The following CNIH3 variants were observed in gnomAD, a reference collection of about 807,000 sequenced individuals.
CNIH3 encodes cornichon family AMPA receptor auxiliary protein 3.
A neutral mutation model predicts 24.1 loss-of-function variants in CNIH3; 14 were observed. That is an observed-to-expected ratio of 0.58 (90% CI 0.38 to 0.91). CNIH3 has a LOEUF of 0.91. CNIH3 is among the 40% of genes least tolerant of loss of function. The pLI is 0.00. For missense variants in CNIH3, 178 were observed against 196.8 expected (o/e 0.90, Z 0.57); for synonymous variants, 68 against 73.8 (o/e 0.92, Z 0.40).
At chr1:224,457,279 G>C (rs1009559500) in intron 1 of CNIH3, among the ~76,000 whole-genome samples, 60 of 32,152 alleles carry the variant, frequency 1.9e-3, no homozygotes, top group African/African-American at 8.9e-3. Flanking sequence ...CTCTCTCTGT[G>C]TGTGTGTGTG....
intron 1 of CNIH3, among the ~76,000 whole-genome samples, chr1:224,670,529 A>G (rs1204376880): frequency 1.3e-5 from 2 of 152,150 alleles, no homozygotes; most frequent in African/African-American, 2.4e-5. Context: ...AGACAATGAT[A>G]AGCTACCCTG....
At chr1:224,655,796 C>G (rs1316777646) in intron 1 of CNIH3, among the ~76,000 whole-genome samples, 2 of 152,178 alleles carry the variant, frequency 1.3e-5, no homozygotes, top group Non-Finnish European at 2.9e-5. Flanking sequence ...ACACATCTCT[C>G]TCAACGGACT....
At chr1:224,681,118 C>T (rs1436019315) in intron 2 of CNIH3, 92 bp downstream of exon 2, 21 of 1,073,416 alleles carry the variant, frequency 2.0e-5, no homozygotes, top group East Asian at 1.9e-4. Context: ...GATTTGAATG[C>T]GTAAAGAACA....
intron 1 of CNIH3, among the ~76,000 whole-genome samples, chr1:224,628,282 C>T (rs1683641697): frequency 2.0e-5 from 3 of 152,154 alleles, no homozygotes; most frequent in Non-Finnish European, 4.4e-5. Context: ...TTGTAAAATA[C>T]GTATATGACA....
chr1:224,699,448 C>T (rs2125170784), intron 3 of CNIH3, among the ~76,000 whole-genome samples: 1 of 152,356 alleles, frequency 6.6e-6, no homozygotes, highest in Middle Eastern at 3.4e-3. Context: ...AGGCATTCTT[C>T]TTCTCACAGG....
At chr1:224,700,961 A>G (rs1203420084) in intron 3 of CNIH3, among the ~76,000 whole-genome samples, 1 of 152,148 alleles carries the variant, frequency 6.6e-6, no homozygotes, top group Non-Finnish European at 1.5e-5. Flanking sequence ...TATTGTAATT[A>G]TTTTTGTTTA....
chr1:224,436,084 G>GA (rs1674651028), intron 1 of CNIH3, among the ~76,000 whole-genome samples: 1 of 152,204 alleles, frequency 6.6e-6, no homozygotes, highest in African/African-American at 2.4e-5. Flanking sequence ...CCTCAGACAG[G>GA]AAGAAGTAAG....
chr1:224,560,736 T>C (rs116162092), intron 3 of CNIH3, among the ~76,000 whole-genome samples: 1,690 of 152,190 alleles, frequency 0.011, 32 homozygotes, highest in African/African-American at 0.037. Context: ...CCACGGATTC[T>C]ACATTATGGT....
intron 3 of CNIH3, among the ~76,000 whole-genome samples, chr1:224,695,917 C>T (rs1411791515): frequency 6.6e-6 from 1 of 152,160 alleles, no homozygotes; most frequent in Non-Finnish European, 1.5e-5. Flanking sequence ...CTGACAGAAA[C>T]AATTTGGGTT....
downstream of CNIH3, among the ~76,000 whole-genome samples, chr1:224,540,793 C>T (rs1324790629): frequency 6.6e-6 from 1 of 152,156 alleles, no homozygotes; most frequent in Non-Finnish European, 1.5e-5. Flanking sequence ...TGTTGGAATT[C>T]TCCATTATTG....
chr1:224,578,049 C>CTT (rs1306930379), intron 4 of CNIH3, among the ~76,000 whole-genome samples: 1 of 152,050 alleles, frequency 6.6e-6, no homozygotes, highest in Non-Finnish European at 1.5e-5. Flanking sequence ...GGATAAAAAA[C>CTT]TGCATATTGG....
intron 1 of CNIH3, among the ~76,000 whole-genome samples, chr1:224,669,402 C>T (rs938236102): frequency 2.6e-5 from 4 of 152,226 alleles, no homozygotes; most frequent in Non-Finnish European, 4.4e-5. Context: ...CTCCTCAGCT[C>T]ACCTGCTGGT....
intron 2 of CNIH3, among the ~76,000 whole-genome samples, chr1:224,521,889 G>T (rs780474468): frequency 3.3e-5 from 5 of 152,290 alleles, no homozygotes; most frequent in Non-Finnish European, 5.9e-5. Context: ...AGTTGCAAAA[G>T]ATTACTGACA....
At chr1:224,503,651 A>C (rs1433239547) in intron 1 of CNIH3, among the ~76,000 whole-genome samples, 1 of 152,222 alleles carries the variant, frequency 6.6e-6, no homozygotes, top group East Asian at 1.9e-4. Context: ...GCAACCGCAC[A>C]GGGCTGCCTG....
intron 1 of CNIH3, among the ~76,000 whole-genome samples, chr1:224,668,837 G>T (rs1685727259): frequency 6.6e-6 from 1 of 151,822 alleles, no homozygotes; most frequent in South Asian, 2.1e-4. Flanking sequence ...ATTACCTGGG[G>T]TAGGCTCTGT....
At chr1:224,624,874 A>G (rs1453133861) in intron 1 of CNIH3, among the ~76,000 whole-genome samples, 1 of 152,112 alleles carries the variant, frequency 6.6e-6, no homozygotes, top group African/African-American at 2.4e-5. Context: ...CAATTCCCAA[A>G]TGGGCTGTTC....
At chr1:224,536,536 C>A (rs1360861984) in intron 2 of CNIH3, among the ~76,000 whole-genome samples, 1 of 152,038 alleles carries the variant, frequency 6.6e-6, no homozygotes, top group Non-Finnish European at 1.5e-5. Context: ...GGTGATCTGC[C>A]CACCTCGGCT....
chr1:224,641,840 T>C (rs1377524392), intron 1 of CNIH3, among the ~76,000 whole-genome samples: 1 of 152,110 alleles, frequency 6.6e-6, no homozygotes, highest in African/African-American at 2.4e-5. Flanking sequence ...ATGTCAAAAA[T>C]TTTCCTGGTG....
chr1:224,597,606 C>G (rs1682039425), intron 3 of CNIH3, among the ~76,000 whole-genome samples: 3 of 152,246 alleles, frequency 2.0e-5, no homozygotes, highest in African/African-American at 4.8e-5. Flanking sequence ...AGCTTCCAAA[C>G]AGACTTGTGG....
Sources: gnomAD v4.1 joint callset for allele counts (sites outside exome capture counted in the v4.1 genomes callset) on GRCh38, gnomAD v4.1.1 for gene constraint, MANE v1.5 for transcripts, NCBI Gene and HGNC (gene_info 2026-07-23, HGNC 2026-07-21) for gene names.